The following KIF26B variants were observed in gnomAD, a reference collection of about 807,000 sequenced individuals.
The protein encoded by KIF26B is kinesin-like protein KIF26B.
A neutral mutation model predicts 151.2 loss-of-function variants in KIF26B; 63 were observed. The ratio of observed to expected loss-of-function variants is 0.42; its 90% CI spans 0.34 to 0.51. The LOEUF is 0.51. Ranked by LOEUF, KIF26B falls within the 20% of genes least tolerant of loss-of-function variation. The probability of loss-of-function intolerance (pLI) is 0.07; values close to 1 mark genes in which losing one functional copy is unlikely to be tolerated. For synonymous variants in KIF26B, 1,357 were observed against 1,262.1 expected (o/e 1.08, Z -1.59); for missense variants, 2,813 against 2,913.6 (o/e 0.97, Z 0.79).
intron 10 of KIF26B, among the ~76,000 whole-genome samples, chr1:245,653,610 A>G (rs1211287757): frequency 6.6e-6 from 1 of 152,188 alleles, no homozygotes; most frequent in Non-Finnish European, 1.5e-5. Context: ...CACACAGCTA[A>G]TAGGCAACAG....
chr1:245,356,030 G>A (rs1413130393), intron 2 of KIF26B, among the ~76,000 whole-genome samples: 1 of 152,146 alleles, frequency 6.6e-6, no homozygotes, highest in Non-Finnish European at 1.5e-5. Flanking sequence ...CGGCTCCCCA[G>A]AGATTCTGAT....
chr1:245,286,637 G>A (rs1484391919), intron 2 of KIF26B, among the ~76,000 whole-genome samples: 2 of 152,120 alleles, frequency 1.3e-5, no homozygotes, highest in Non-Finnish European at 2.9e-5. Context: ...GAAAAACAAT[G>A]GGATACAAAC....
chr1:245,481,083 G>A (rs1207314576), intron 4 of KIF26B, among the ~76,000 whole-genome samples: 4 of 151,818 alleles, frequency 2.6e-5, no homozygotes, highest in African/African-American at 9.7e-5. Context: ...CGTGCGTTGT[G>A]CGTGCATTTT....
chr1:245,288,270 G>T (rs995014691), intron 2 of KIF26B, among the ~76,000 whole-genome samples: 13 of 152,150 alleles, frequency 8.5e-5, no homozygotes, highest in African/African-American at 3.1e-4. Flanking sequence ...TATGACTTCT[G>T]TGGGGAGTGA....
Position 245,310,234 on chromosome 1 carries a change from A to C in KIF26B, c.466-56600A>C, listed in dbSNP as rs555386540. On this transcript the variant is annotated intron_variant, in intron 2 of 14. Coordinates refer to ENST00000407071, the MANE Select transcript of KIF26B (RefSeq NM_018012.4). ...CCAGAGAACCCTGGCAAATACAAAC[A>C]TTCCATATGCCAAGAGAGATAGCGT... 9.6e-4 allele frequency among the ~76,000 whole-genome samples: 146 copies of C among 152,118 alleles called. 1 individual carries two copies. Among genetic ancestry groups the C allele is most frequent in the African/African-American group, 3.5e-3 (144 of 41,504 alleles).
intron 5 of KIF26B, among the ~76,000 whole-genome samples, chr1:245,599,807 G>T (rs1421705645): frequency 6.6e-6 from 1 of 152,140 alleles, no homozygotes; most frequent in East Asian, 1.9e-4. Flanking sequence ...ACTGAAATCA[G>T]ACCTTAGAAA....
At chr1:245,302,719 G>A (rs879837514) in intron 2 of KIF26B, among the ~76,000 whole-genome samples, 8 of 152,000 alleles carry the variant, frequency 5.3e-5, no homozygotes, top group Non-Finnish European at 7.4e-5. Context: ...TGCGGGGTGC[G>A]GTGGCTCACA....
rs73127192 is a variant in KIF26B, at chr1:245,246,713, G to A, written c.465+90030G>A. On this transcript the variant is annotated intron_variant, in intron 2 of 14. Coordinates refer to ENST00000407071, the MANE Select transcript of KIF26B (RefSeq NM_018012.4). ...CCATGCCACAGAGTTGTTAAATATC[G>A]TGAATTTCAAGTCATCCTAAGACAA... Among the ~76,000 whole-genome samples, 715 of 152,220 alleles carry A rather than the reference G, an allele frequency of 4.7e-3. 3 individuals are homozygous for A. Among genetic ancestry groups the A allele is most frequent in the African/African-American group, 0.017 (691 of 41,540 alleles).
At chr1:245,303,431 C>A (rs919318364) in intron 2 of KIF26B, among the ~76,000 whole-genome samples, 7 of 150,838 alleles carry the variant, frequency 4.6e-5, no homozygotes, top group Admixed American at 1.3e-4. Context: ...ATCTCCTGAC[C>A]TCGTGATCCG....
chr1:245,625,395 T>C (rs767297635), intron 9 of KIF26B, among the ~76,000 whole-genome samples: 8 of 152,202 alleles, frequency 5.3e-5, no homozygotes, highest in Non-Finnish European at 1.2e-4. Context: ...CAGTATTGAG[T>C]GTTCTGACCC....
At chr1:245,551,717 G>T (rs2103109564) in intron 5 of KIF26B, among the ~76,000 whole-genome samples, 1 of 152,284 alleles carries the variant, frequency 6.6e-6, no homozygotes, top group African/African-American at 2.4e-5. Context: ...CCAGAAGGAA[G>T]TTGGCTCTTG....
intron 2 of KIF26B, among the ~76,000 whole-genome samples, chr1:245,191,590 A>T (rs985134967): frequency 6.6e-6 from 1 of 152,208 alleles, no homozygotes; most frequent in Admixed American, 6.5e-5. Context: ...GAAAATATAG[A>T]CAGGTTTGAC....
chr1:245,664,147 T>C (rs1558258501), intron 10 of KIF26B, among the ~76,000 whole-genome samples: 2 of 151,954 alleles, frequency 1.3e-5, no homozygotes, highest in Non-Finnish European at 2.9e-5. Flanking sequence ...GGCAGGCAGA[T>C]CACCTGAGGT....
intron 4 of KIF26B, among the ~76,000 whole-genome samples, chr1:245,420,211 C>T (rs977394234): frequency 6.6e-6 from 1 of 152,194 alleles, no homozygotes; most frequent in African/African-American, 2.4e-5. Context: ...GGTTTTCTCC[C>T]CCGCTTCTTG....
intron 2 of KIF26B, among the ~76,000 whole-genome samples, chr1:245,298,304 A>G (rs941927121): frequency 2.0e-5 from 3 of 152,262 alleles, no homozygotes; most frequent in Admixed American, 6.5e-5. Context: ...AATGTGGTCT[A>G]TGCATACAAT....
chr1:245,253,524 T>C (rs1273145862), intron 2 of KIF26B, among the ~76,000 whole-genome samples: 1 of 152,212 alleles, frequency 6.6e-6, no homozygotes, highest in East Asian at 1.9e-4. Context: ...TTTAGTTTGG[T>C]TTCAGAGTGA....
At chr1:245,608,024 G>A (rs2043475751) in intron 7 of KIF26B, among the ~76,000 whole-genome samples, 2 of 152,214 alleles carry the variant, frequency 1.3e-5, no homozygotes. Context: ...CCAGAAGGCA[G>A]GCAGGAAAAT....
chr1:245,518,286 G>A (rs1182459947), intron 4 of KIF26B, among the ~76,000 whole-genome samples: 2 of 152,172 alleles, frequency 1.3e-5, no homozygotes, highest in Non-Finnish European at 2.9e-5. Flanking sequence ...TAATGGTGAT[G>A]AAGACCAATC....
intron 9 of KIF26B, among the ~76,000 whole-genome samples, chr1:245,632,681 G>GCCTT (rs2043793712): frequency 1.3e-5 from 2 of 152,186 alleles, no homozygotes; most frequent in Non-Finnish European, 2.9e-5. Flanking sequence ...GCCAAGGCGG[G>GCCTT]CCAATCACTT....
Sources: allele counts gnomAD v4.1 joint callset (sites outside exome capture counted in the v4.1 genomes callset), GRCh38; gene constraint gnomAD v4.1.1; transcripts MANE v1.5; gene names NCBI Gene and HGNC (gene_info 2026-07-23, HGNC 2026-07-21).